The following RBFOX1 variants were observed in gnomAD, a reference collection of about 807,000 sequenced individuals.
The protein encoded by RBFOX1 is RNA binding protein fox-1 homolog 1.
In RBFOX1, 8 loss-of-function variants were observed where a neutral mutation model predicts 57.7. The ratio of observed to expected loss-of-function variants is 0.14; its 90% CI spans 0.08 to 0.25. RBFOX1 has a LOEUF of 0.25. RBFOX1 is among the 10% of genes least tolerant of loss of function. RBFOX1 has a pLI of 1.00. For missense variants in RBFOX1, 611 were observed against 548.5 expected, an observed-to-expected ratio of 1.11 and a Z score of -1.14; for synonymous variants, 326 against 222.4, an observed-to-expected ratio of 1.47 and a Z score of -4.15.
intron 3 of RBFOX1, among the ~76,000 whole-genome samples, chr16:7,027,506 A>G (rs2041319199): frequency 7.6e-6 from 1 of 130,826 alleles, no homozygotes. Context: ...ATTCAAACTC[A>G]AGCAGTCTGG....
chr16:6,010,118 G>T (rs938475286), intron 4 of RBFOX1, among the ~76,000 whole-genome samples: 2 of 152,106 alleles, frequency 1.3e-5, no homozygotes, highest in Non-Finnish European at 2.9e-5. Flanking sequence ...TGAGGGTGCT[G>T]TGTTGCCCCA....
At chr16:7,167,680 C>A (rs2079847655) in intron 4 of RBFOX1, among the ~76,000 whole-genome samples, 1 of 152,218 alleles carries the variant, frequency 6.6e-6, no homozygotes, top group Non-Finnish European at 1.5e-5. Flanking sequence ...TAGAGGGCTG[C>A]AAACTAAGGC....
chr16:7,158,543 G>A (rs1330059373), intron 4 of RBFOX1, among the ~76,000 whole-genome samples: 3 of 152,040 alleles, frequency 2.0e-5, no homozygotes, highest in Non-Finnish European at 4.4e-5. Flanking sequence ...TGTGTTTACT[G>A]TGTGTATCTA....
At chr16:5,591,002 G>A (rs557828503) in intron 2 of RBFOX1, among the ~76,000 whole-genome samples, 2 of 151,664 alleles carry the variant, frequency 1.3e-5, no homozygotes, top group African/African-American at 4.8e-5. Flanking sequence ...TTTAGCATGT[G>A]ATGTGAGCTA....
chr16:5,472,330 G>T (rs1039598219), intron 2 of RBFOX1, among the ~76,000 whole-genome samples: 5 of 152,032 alleles, frequency 3.3e-5, no homozygotes, highest in Admixed American at 2.6e-4. Context: ...ATGTGATCTC[G>T]TGTAATCCTC....
intron 4 of RBFOX1, among the ~76,000 whole-genome samples, chr16:7,127,967 G>T (rs1390296864): frequency 6.6e-6 from 1 of 152,218 alleles, no homozygotes; most frequent in East Asian, 1.9e-4. Context: ...GTCCGAAAGA[G>T]GCTGGGTTCA....
chr16:6,248,919 A>C (rs555135317), intron 1 of RBFOX1, among the ~76,000 whole-genome samples: 6 of 152,304 alleles, frequency 3.9e-5, no homozygotes, highest in African/African-American at 1.4e-4. Flanking sequence ...TGCTGTTATT[A>C]CTTGCATTGT....
intron 3 of RBFOX1, among the ~76,000 whole-genome samples, chr16:6,965,230 C>G (rs1398172399): frequency 6.6e-6 from 1 of 152,084 alleles, no homozygotes; most frequent in African/African-American, 2.4e-5. Context: ...GAAAGCATTG[C>G]TTTGCACTCA....
chr16:7,487,748 T>C (rs1453370775), intron 4 of RBFOX1, among the ~76,000 whole-genome samples: 1 of 152,174 alleles, frequency 6.6e-6, no homozygotes, highest in Non-Finnish European at 1.5e-5. Flanking sequence ...GGATGCAGCT[T>C]GTAAAAGTGC....
chr16:6,459,275 G>A (rs1257342693), intron 2 of RBFOX1, among the ~76,000 whole-genome samples: 2 of 152,170 alleles, frequency 1.3e-5, no homozygotes, highest in Non-Finnish European at 2.9e-5. Flanking sequence ...GGCAGAGGTT[G>A]CAGTGAGCCG....
chr16:5,369,331 C>T (rs538508345), intron 1 of RBFOX1, among the ~76,000 whole-genome samples: 3 of 152,264 alleles, frequency 2.0e-5, no homozygotes, highest in East Asian at 3.9e-4. Flanking sequence ...AAATAAGCAA[C>T]ATTTCTACCT....
chr16:7,189,262 A>G (rs1002811683), intron 4 of RBFOX1, among the ~76,000 whole-genome samples: 1 of 151,654 alleles, frequency 6.6e-6, no homozygotes, highest in Admixed American at 6.6e-5. Context: ...CATCTCTACT[A>G]AAAATACAAA....
At chr16:6,285,476 T>C (rs1029598994) in intron 1 of RBFOX1, among the ~76,000 whole-genome samples, 1 of 152,156 alleles carries the variant, frequency 6.6e-6, no homozygotes, top group African/African-American at 2.4e-5. Context: ...TCTCTACATA[T>C]GGCAAAAGGT....
At chr16:6,659,154 A>G (rs192091249) in intron 3 of RBFOX1, among the ~76,000 whole-genome samples, 1 of 152,152 alleles carries the variant, frequency 6.6e-6, no homozygotes, top group East Asian at 1.9e-4. Flanking sequence ...TTTCAATACT[A>G]TTATAAAGAC....
chr16:7,689,595 G>A (rs2076888051), intron 14 of RBFOX1, among the ~76,000 whole-genome samples: 1 of 152,088 alleles, frequency 6.6e-6, no homozygotes. Context: ...CCTTGAATGA[G>A]CACTCTAGGC....
At chr16:6,275,576 G>C (rs1216050377) in intron 1 of RBFOX1, among the ~76,000 whole-genome samples, 6 of 152,140 alleles carry the variant, frequency 3.9e-5, no homozygotes, top group African/African-American at 1.4e-4. Flanking sequence ...TGATATGGTA[G>C]ACATGGGGGA....
intron 4 of RBFOX1, among the ~76,000 whole-genome samples, chr16:7,213,549 T>G (rs1356444366): frequency 7.7e-6 from 1 of 130,198 alleles, no homozygotes; most frequent in Non-Finnish European, 1.5e-5. Flanking sequence ...AAAGGGATCC[T>G]CTAATGCCAA....
intron 4 of RBFOX1, among the ~76,000 whole-genome samples, chr16:7,231,621 A>G (rs2093496811): frequency 6.6e-6 from 1 of 152,224 alleles, no homozygotes; most frequent in Non-Finnish European, 1.5e-5. Flanking sequence ...ATTACAGCCA[A>G]AAAGCAAAGA....
chr16:6,067,216 G>T (rs920108993), intron 1 of RBFOX1, among the ~76,000 whole-genome samples: 1 of 152,032 alleles, frequency 6.6e-6, no homozygotes, highest in Admixed American at 6.6e-5. Flanking sequence ...TTACCTACAG[G>T]GCATGCAGGC....
Sources: allele counts gnomAD v4.1 joint callset (sites outside exome capture counted in the v4.1 genomes callset), GRCh38; gene constraint gnomAD v4.1.1; transcripts MANE v1.5; gene names NCBI Gene and HGNC (gene_info 2026-07-23, HGNC 2026-07-21).